Variants in SORCS2 observed in about 807,000 individuals in gnomAD.
SORCS2 encodes the protein VPS10 domain-containing receptor SorCS2.
In SORCS2, 100 loss-of-function variants were observed where a neutral mutation model predicts 141.6. The observed-to-expected ratio is 0.71, with a 90% CI of 0.60 to 0.83. The LOEUF is 0.83. SORCS2 is among the 40% of genes least tolerant of loss of function. The probability of loss-of-function intolerance (pLI) is 0.00; values close to 1 mark genes in which losing one functional copy is unlikely to be tolerated. For synonymous variants in SORCS2, 789 were observed against 676.9 expected, an observed-to-expected ratio of 1.17 and a Z score of -2.57; for missense variants, 1,646 against 1,560.2, an observed-to-expected ratio of 1.05 and a Z score of -0.93.
At chr4:7,464,393 G>C (rs1419716513) in intron 2 of SORCS2, among the ~76,000 whole-genome samples, 4 of 152,194 alleles carry the variant, frequency 2.6e-5, no homozygotes, top group African/African-American at 9.7e-5. Flanking sequence ...GATGCCCTGA[G>C]GGAGGGGCTG....
At chr4:7,589,053 G>A (rs1164384852) in intron 3 of SORCS2, among the ~76,000 whole-genome samples, 2 of 152,222 alleles carry the variant, frequency 1.3e-5, no homozygotes, top group Non-Finnish European at 2.9e-5. Flanking sequence ...TGGGGACACA[G>A]TGAGCTGCCG....
At chr4:7,491,506 A>C (rs1363651953) in intron 2 of SORCS2, among the ~76,000 whole-genome samples, 1 of 152,216 alleles carries the variant, frequency 6.6e-6, no homozygotes, top group East Asian at 1.9e-4. Context: ...TGGCGTAAGC[A>C]GCTGCTCATT....
At chr4:7,314,484 C>A (rs1207377601) in intron 1 of SORCS2, among the ~76,000 whole-genome samples, 5 of 151,328 alleles carry the variant, frequency 3.3e-5, no homozygotes, top group African/African-American at 1.2e-4. Context: ...GGACTACAGG[C>A]GCCCGCCACC....
chr4:7,394,524 G>A (rs1402042707), intron 1 of SORCS2, among the ~76,000 whole-genome samples: 1 of 146,708 alleles, frequency 6.8e-6, no homozygotes, highest in Non-Finnish European at 1.5e-5. Context: ...AGGGCTGGGG[G>A]ATTTGGGGAA....
At chr4:7,379,468 A>G (rs1400009880) in intron 1 of SORCS2, among the ~76,000 whole-genome samples, 3 of 152,252 alleles carry the variant, frequency 2.0e-5, no homozygotes, top group African/African-American at 7.2e-5. Flanking sequence ...TGAGTTGTGC[A>G]CATGGAAAGG....
At chr4:7,235,743 C>G (rs1463024893) in intron 1 of SORCS2, among the ~76,000 whole-genome samples, 1 of 152,216 alleles carries the variant, frequency 6.6e-6, no homozygotes, top group Non-Finnish European at 1.5e-5. Context: ...TCCATGCCCA[C>G]TCTGATGAGC....
intron 2 of SORCS2, among the ~76,000 whole-genome samples, chr4:7,404,197 A>G (rs994157896): frequency 6.6e-6 from 1 of 151,864 alleles, no homozygotes; most frequent in Admixed American, 6.6e-5. Context: ...ATGGCTGAGT[A>G]GTCTTTCATT....
At chr4:7,525,263 G>A (rs542566300) in intron 2 of SORCS2, among the ~76,000 whole-genome samples, 15 of 152,162 alleles carry the variant, frequency 9.9e-5, no homozygotes, top group Non-Finnish European at 2.2e-4. Flanking sequence ...AAGGGGTTCT[G>A]GGAGGCTAGA....
At chr4:7,628,539 A>G (rs1472547696) in intron 3 of SORCS2, among the ~76,000 whole-genome samples, 1 of 149,976 alleles carries the variant, frequency 6.7e-6, no homozygotes, top group Non-Finnish European at 1.5e-5. Context: ...AAAAAGCTAG[A>G]AGTGAGAGTT....
At chr4:7,387,794 ATGCT>A (rs1723526956) in intron 1 of SORCS2, among the ~76,000 whole-genome samples, 1 of 117,826 alleles carries the variant, frequency 8.5e-6, no homozygotes. Flanking sequence ...AGGTACATGC[ATGCT>A]CACATGCACA....
chr4:7,434,349 C>T, intron 2 of SORCS2: 1 of 1,608,894 alleles, frequency 6.2e-7, no homozygotes, highest in Non-Finnish European at 8.5e-7. Flanking sequence ...CTTCAGGCGC[C>T]TGGCGGGGGT....
At chr4:7,328,236 A>T (rs1486980382) in intron 1 of SORCS2, among the ~76,000 whole-genome samples, 1 of 144,432 alleles carries the variant, frequency 6.9e-6, no homozygotes, top group Non-Finnish European at 1.5e-5. Flanking sequence ...GGGTTTTACC[A>T]TGTTGGCCAG....
chr4:7,568,205 G>A lies in SORCS2; in HGVS notation c.648+36576G>A, dbSNP rs79919219. 6.0e-3 allele frequency among the ~76,000 whole-genome samples: 908 copies of A among 152,236 alleles called. 29 individuals are homozygous for A. Among genetic ancestry groups the A allele is most frequent in the Admixed American group, 0.045 (689 of 15,296 alleles). On this transcript the variant is annotated intron_variant, in intron 3 of 26. Transcript: ENST00000507866. ...ACTTTCTCAGCTCACAGTGCCCTTC[G>A]TGGCTCAAAAATCTTTCACAGCACA...
chr4:7,386,540 A>G (rs1723340561), intron 1 of SORCS2, among the ~76,000 whole-genome samples: 1 of 108,826 alleles, frequency 9.2e-6, no homozygotes, highest in Non-Finnish European at 1.9e-5. Flanking sequence ...ACACACATAC[A>G]GGTACACAGA....
intron 2 of SORCS2, among the ~76,000 whole-genome samples, chr4:7,417,799 A>G (rs1369864821): frequency 1.3e-5 from 2 of 152,106 alleles, no homozygotes; most frequent in African/African-American, 4.8e-5. Context: ...TTCAATGGGG[A>G]GTGAGAAGCG....
intron 2 of SORCS2, among the ~76,000 whole-genome samples, chr4:7,481,714 C>A (rs796620005): frequency 4.1e-4 from 62 of 152,188 alleles, no homozygotes; most frequent in African/African-American, 1.4e-3. Context: ...GAGGGCACTA[C>A]TGAGAAACTG....
chr4:7,536,195 G>C (rs1362914844), intron 3 of SORCS2, among the ~76,000 whole-genome samples: 1 of 152,198 alleles, frequency 6.6e-6, no homozygotes, highest in African/African-American at 2.4e-5. Flanking sequence ...TTCTCTAGTG[G>C]TACAAACTGT....
rs1437579493 is a variant in SORCS2 at position 7,740,275 on chromosome 4, G to A, written c.*11G>A. The A allele has an allele frequency of 6.2e-7, 1 of 1,608,060 alleles. No individual in the cohort carries two copies. The highest frequency in any genetic ancestry group is 8.5e-7 in the Non-Finnish European group (1 of 1,178,926). On this transcript the variant is annotated 3_prime_UTR_variant, in exon 27 of 27. Transcript: ENST00000507866. ...TACCTGGTGAGCTGATGCCACCCCA[G>A]CATCTGTCTTTTCACCCACGGAGGG... is the stretch of plus-strand genomic sequence containing the variant.
At chr4:7,334,410 C>G (rs947981158) in intron 1 of SORCS2, among the ~76,000 whole-genome samples, 1 of 152,130 alleles carries the variant, frequency 6.6e-6, no homozygotes, top group African/African-American at 2.4e-5. Context: ...TCCACAGCCC[C>G]CCAGGGGCTG....
Sources: allele counts gnomAD v4.1 joint callset (sites outside exome capture counted in the v4.1 genomes callset), GRCh38; gene constraint gnomAD v4.1.1; transcripts MANE v1.5; gene names NCBI Gene and HGNC (gene_info 2026-07-23, HGNC 2026-07-21).